Variants in ERLIN2 observed in about 807,000 individuals in gnomAD.
The protein encoded by ERLIN2 is ER lipid raft associated 2, also known as erlin-2.
Under a neutral mutation model 41.5 loss-of-function variants are expected in ERLIN2, and 22 were observed. That is an observed-to-expected ratio of 0.53 (90% confidence interval 0.38 to 0.76). The LOEUF (loss-of-function observed/expected upper bound fraction) is 0.76. Ranked by LOEUF, ERLIN2 falls within the 30% of genes least tolerant of loss-of-function variation. The pLI is 0.00. For synonymous variants in ERLIN2, 149 were observed against 150.9 expected (o/e 0.99, Z 0.09); for missense variants, 247 against 414.3 (o/e 0.60, Z 3.51).
rs1585915467 is a variant in ERLIN2 at position 37,750,416 on chromosome 8, T to G, written c.579T>G (p.Leu193=). Residue 193 remains leucine (L), a synonymous_variant, in exon 9 of 12, where the codon CTT becomes CTG. Coordinates refer to ENST00000519638, the MANE Select transcript of ERLIN2 (RefSeq NM_007175.8). ...YELMESEKTK[L]LIAAQKQKVV... is the part of the protein sequence containing the mutation. ...TCAGGGAAAGTGAGAAGACAAAGCT[T>G]CTCATTGCCGCCCAGAAACAGAAGG... 4 of 1,613,728 alleles carry G rather than the reference T, an allele frequency of 2.5e-6. No homozygotes were observed. The highest frequency in any genetic ancestry group is 1.7e-4 in the Middle Eastern group (1 of 5,972).
rs1802977066 is a variant in ERLIN2 at position 37,744,703 on chromosome 8, A to G, written c.424+7A>G. On this transcript the variant is annotated splice_region_variant and intron_variant, in intron 6 of 11. Coordinates refer to ENST00000519638, the MANE Select transcript of ERLIN2 (RefSeq NM_007175.8). ...GTCTACATTGAGCTGTTTGGTAAGA[A>G]AGTCTCTCCTGAGCATGCCGTGCTT... is the stretch of plus-strand genomic sequence containing the variant. 1.9e-6 allele frequency: 3 copies of G among 1,614,136 alleles called. No individual in the cohort carries two copies. The highest frequency in any genetic ancestry group is 2.5e-6 in the Non-Finnish European group (3 of 1,179,986).
chr8:37,748,449 A>G (rs951228760), intron 6 of ERLIN2, among the ~76,000 whole-genome samples: 21 of 152,152 alleles, frequency 1.4e-4, no homozygotes, highest in African/African-American at 3.9e-4. Flanking sequence ...AGCACATCCT[A>G]TATGTGGAAA....
intron 9 of ERLIN2, 133 bp from the exon 10 acceptor site, chr8:37,751,493 T>A: frequency 1.4e-6 from 1 of 726,338 alleles, no homozygotes; most frequent in Non-Finnish European, 2.5e-6. Context: ...ACTCTGCCCT[T>A]GTGTGCACTC....
In ERLIN2 at chr8:37,750,402, G is replaced by T; in HGVS notation, c.565G>T (p.Glu189Ter). 1 of 1,613,322 alleles carries T rather than the reference G, an allele frequency of 6.2e-7. No homozygotes were observed. The highest frequency in any genetic ancestry group is 1.1e-5 in the South Asian group (1 of 91,058). Residue 189 changes from glutamate to a stop codon, truncating the protein, a stop_gained, in exon 9 of 12, where the codon GAG (glutamate) becomes TAG (stop). Transcript: ENST00000519638. LOFTEE classifies it high-confidence loss of function. ...GCTTTTTCTTCTCTTCAGGGAAAGT[G>T]AGAAGACAAAGCTTCTCATTGCCGC... ...IRRNYELMES[E>*]KTKLLIAAQK...
intron 3 of ERLIN2, 58 bp downstream of exon 3, chr8:37,740,504 G>A (rs1802812887): frequency 7.9e-7 from 1 of 1,259,266 alleles, no homozygotes; most frequent in Non-Finnish European, 1.2e-6. Context: ...GTTAACTAGT[G>A]CATGATTTGA....
chr8:37,742,116 G>C (rs1207932785), intron 4 of ERLIN2, among the ~76,000 whole-genome samples: 1 of 152,070 alleles, frequency 6.6e-6, no homozygotes, highest in African/African-American at 2.4e-5. Flanking sequence ...GGCTGAGGCA[G>C]GTGGATCATG....
At chr8:37,748,493 T>C (rs1344471405) in intron 6 of ERLIN2, among the ~76,000 whole-genome samples, 3 of 152,226 alleles carry the variant, frequency 2.0e-5, no homozygotes, top group Non-Finnish European at 4.4e-5. Flanking sequence ...TACTACTGTC[T>C]TAAAATCCTA....
chr8:37,755,820 G>C lies in ERLIN2; in HGVS notation c.*1705G>C, dbSNP rs759580500. 3 of 152,032 alleles carry C rather than the reference G, an allele frequency of 2.0e-5. No individual in the cohort carries two copies. Among genetic ancestry groups the C allele is most frequent in the Non-Finnish European group, 4.4e-5 (3 of 68,036 alleles). 9.4% of individuals were successfully genotyped at this position (152,032 alleles called of 1,614,324 possible). On this transcript the variant is annotated 3_prime_UTR_variant, in exon 12 of 12. Coordinates refer to ENST00000519638, the MANE Select transcript of ERLIN2 (RefSeq NM_007175.8). ...TGACTCCTGGGACTTCTGGTCCTGG[G>C]CACACTTTTTGCAGGCAACAAAATG...
chr8:37,746,403 A>G, intron 6 of ERLIN2: 1 of 985,418 alleles, frequency 1.0e-6, no homozygotes, highest in Non-Finnish European at 1.2e-6. Context: ...TTCCTGTCCC[A>G]ACACCTTTTA....
chr8:37,746,501 A>G (rs1009851013), intron 6 of ERLIN2: 10 of 978,926 alleles, frequency 1.0e-5, no homozygotes, highest in African/African-American at 8.8e-5. Context: ...ACCTATGTAT[A>G]CAACACTCCT....
chr8:37,737,711 A>C, intron 1 of ERLIN2, 197 bp from the exon 2 acceptor site: 1 of 603,032 alleles, frequency 1.7e-6, no homozygotes, highest in Non-Finnish European at 2.9e-6. Flanking sequence ...TGGGGGCTCT[A>C]ATTTTACAGT....
intron 6 of ERLIN2, chr8:37,745,291 G>T: frequency 2.0e-6 from 1 of 509,702 alleles, no homozygotes; most frequent in Non-Finnish European, 3.5e-6. Context: ...CAGAACCTTT[G>T]TGATTATTAT....
chr8:37,746,440 A>G, intron 6 of ERLIN2: 2 of 985,348 alleles, frequency 2.0e-6, no homozygotes, highest in South Asian at 9.4e-5. Context: ...AAAAACATGG[A>G]TACAAACACA....
At chr8:37,744,146 G>A (rs1002806925) in intron 4 of ERLIN2, among the ~76,000 whole-genome samples, 9 of 152,164 alleles carry the variant, frequency 5.9e-5, no homozygotes, top group Non-Finnish European at 1.3e-4. Flanking sequence ...TTGTAGAGAT[G>A]TTCCTAGGCA....
intron 4 of ERLIN2, among the ~76,000 whole-genome samples, chr8:37,742,837 T>C (rs1003810240): frequency 2.6e-5 from 4 of 152,094 alleles, no homozygotes; most frequent in African/African-American, 9.7e-5. Flanking sequence ...AAATAAAATT[T>C]TAACGTTAAA....
chr8:37,743,869 T>C (rs1302036105), intron 4 of ERLIN2, among the ~76,000 whole-genome samples: 1 of 152,222 alleles, frequency 6.6e-6, no homozygotes, highest in Non-Finnish European at 1.5e-5. Flanking sequence ...ATATGGATGT[T>C]AGTTATACTA....
rs557244198 is a variant in ERLIN2, at chr8:37,741,398, G to T, written c.190-374G>T. ...ATAAATTAAACTTTATCATAGGTAT[G>T]TGTTATAGGGTTTGGTACTCTCCCC... is the stretch of plus-strand genomic sequence containing the variant. On this transcript the variant is annotated intron_variant, in intron 3 of 11. Coordinates refer to ENST00000519638, the MANE Select transcript of ERLIN2 (RefSeq NM_007175.8). The surrounding 1 kb of genome is among the most constrained non-coding windows in gnomAD (Gnocchi z 4.8). 1.5e-4 allele frequency among the ~76,000 whole-genome samples: 23 copies of T among 152,306 alleles called. No individual in the cohort carries two copies. The highest frequency in any genetic ancestry group is 5.5e-4 in the African/African-American group (23 of 41,556).
intron 6 of ERLIN2, among the ~76,000 whole-genome samples, chr8:37,748,315 T>C (rs1803126155): frequency 6.6e-6 from 1 of 152,256 alleles, no homozygotes; most frequent in African/African-American, 2.4e-5. Context: ...GTTGGTATTC[T>C]ACTTAAAATT....
At chr8:37,744,101 T>C (rs1802951077) in intron 4 of ERLIN2, among the ~76,000 whole-genome samples, 1 of 152,258 alleles carries the variant, frequency 6.6e-6, no homozygotes, top group Non-Finnish European at 1.5e-5. Flanking sequence ...TGAGTTACTC[T>C]TTCGTACTGG....
Sources: gnomAD v4.1 joint callset for allele counts (sites outside exome capture counted in the v4.1 genomes callset) on GRCh38, gnomAD v4.1.1 for gene constraint, Gnocchi (gnomAD v3.1) non-coding constraint, MANE v1.5 for transcripts, NCBI Gene and HGNC (gene_info 2026-07-23, HGNC 2026-07-21) for gene names.